WDR27: variants seen among roughly 807,000 people sequenced by gnomAD.
The protein encoded by WDR27 is WD repeat domain 27.
A neutral mutation model predicts 114.4 loss-of-function variants in WDR27; 100 were observed. That is an observed-to-expected ratio of 0.87 (90% CI 0.74 to 1.03). The LOEUF (loss-of-function observed/expected upper bound fraction) is 1.03, where lower values mean the gene tolerates loss of function less well. Ranked by LOEUF, WDR27 falls within the 50% of genes least tolerant of loss-of-function variation. The pLI is 0.00. For missense variants in WDR27, 1,129 were observed against 1,092.9 expected, an observed-to-expected ratio of 1.03 and a Z score of -0.47; for synonymous variants, 449 against 423.1, an observed-to-expected ratio of 1.06 and a Z score of -0.75.
intron 21 of WDR27, among the ~76,000 whole-genome samples, chr6:169,621,506 A>G (rs968553394): frequency 1.3e-5 from 2 of 151,838 alleles, no homozygotes; most frequent in Non-Finnish European, 2.9e-5. Context: ...ATACCCACAC[A>G]TGCATTCACA....
intron 22 of WDR27, among the ~76,000 whole-genome samples, chr6:169,605,001 G>C (rs1032489315): frequency 6.8e-6 from 1 of 147,994 alleles, no homozygotes; most frequent in Admixed American, 6.9e-5. Context: ...ATACTGAATG[G>C]GGGAAAATTG....
chr6:169,630,835 A>G (rs780120355), intron 21 of WDR27, among the ~76,000 whole-genome samples: 10 of 152,222 alleles, frequency 6.6e-5, no homozygotes, highest in Non-Finnish European at 1.3e-4. Context: ...TGGAGGTTGC[A>G]GTGAGCCGAG....
chr6:169,485,425 TATC>T (rs1788754367), intron 25 of WDR27, among the ~76,000 whole-genome samples: 1 of 152,304 alleles, frequency 6.6e-6, no homozygotes, highest in East Asian at 1.9e-4. Context: ...CAGCATCACT[TATC>T]ATGAGAGAAA....
intron 25 of WDR27, among the ~76,000 whole-genome samples, chr6:169,490,698 C>T (rs1789639094): frequency 6.6e-6 from 1 of 152,206 alleles, no homozygotes; most frequent in South Asian, 2.1e-4. Flanking sequence ...AGACAAGCTA[C>T]TGGCTGGGGT....
At chr6:169,434,813 A>G in the WDR27 span, among the ~76,000 whole-genome samples, 1 of 152,218 alleles carries the variant, frequency 6.6e-6, no homozygotes, top group Admixed American at 6.5e-5. Context: ...AAAAAAGAAA[A>G]CACACTTTCT....
chr6:169,654,012 C>A (rs1236779837), intron 13 of WDR27, among the ~76,000 whole-genome samples: 3 of 152,170 alleles, frequency 2.0e-5, no homozygotes, highest in African/African-American at 7.2e-5. Flanking sequence ...GAAAGCAACG[C>A]AAATCTCCTT....
chr6:169,637,449 G>T (rs978413973), intron 18 of WDR27, among the ~76,000 whole-genome samples: 2 of 152,256 alleles, frequency 1.3e-5, no homozygotes, highest in African/African-American at 4.8e-5. Flanking sequence ...GTGCGCATGT[G>T]TATGCATCTA....
At chr6:169,574,628 G>A (rs1171761822) in intron 24 of WDR27, among the ~76,000 whole-genome samples, 2 of 152,134 alleles carry the variant, frequency 1.3e-5, no homozygotes, top group South Asian at 4.2e-4. Context: ...GATCTTTCAC[G>A]AAGTGCGTTC....
intron 25 of WDR27, among the ~76,000 whole-genome samples, chr6:169,493,140 A>G (rs887537128): frequency 1.3e-5 from 2 of 152,100 alleles, no homozygotes; most frequent in African/African-American, 4.8e-5. Context: ...ATAAAATTGG[A>G]TTAATAAATT....
the WDR27 span, among the ~76,000 whole-genome samples, chr6:169,432,394 T>G: frequency 6.6e-6 from 1 of 152,096 alleles, no homozygotes; most frequent in Admixed American, 6.5e-5. Context: ...GCTGATAGGG[T>G]TTGGCTGTGT....
chr6:169,700,770 A>G (rs931283312), intron 1 of WDR27, among the ~76,000 whole-genome samples: 1 of 152,220 alleles, frequency 6.6e-6, no homozygotes, highest in African/African-American at 2.4e-5. Context: ...TTTTTGAATT[A>G]CAAAAGCAAT....
intron 20 of WDR27, among the ~76,000 whole-genome samples, chr6:169,634,085 C>T (rs564148057): frequency 6.6e-6 from 1 of 152,188 alleles, no homozygotes; most frequent in East Asian, 1.9e-4. Flanking sequence ...GAACAGCAAC[C>T]GCTATGATTT....
intron 22 of WDR27, among the ~76,000 whole-genome samples, chr6:169,611,106 T>C (rs1405690516): frequency 6.6e-6 from 1 of 152,020 alleles, no homozygotes; most frequent in Non-Finnish European, 1.5e-5. Flanking sequence ...GTCCTTGCCA[T>C]GAATGGAGCT....
In WDR27 at chr6:169,659,647, C is replaced by CT; in HGVS notation, c.1130-130dup. 1.2e-6 allele frequency: 1 copy of CT among 827,014 alleles called. No homozygotes were observed. The highest frequency in any genetic ancestry group is 2.0e-6 in the Non-Finnish European group (1 of 510,170). 51.2% of individuals were successfully genotyped at this position (827,014 alleles called of 1,614,324 possible). On this transcript the variant is annotated intron_variant, in intron 10 of 25. Transcript: ENST00000448612. The surrounding 1 kb of genome is among the most constrained non-coding windows in gnomAD (Gnocchi z 4.3). ...CACACAGTCCAGGCCCCACCACACA[C>CT]TTTGCAGGCTGTGCACCACATCCTC...
intron 13 of WDR27, among the ~76,000 whole-genome samples, chr6:169,654,827 AAGGAGGCGGCTCGCTCAGG>A (rs1224747250): frequency 1.4e-4 from 21 of 151,776 alleles, no homozygotes; most frequent in Admixed American, 7.2e-4. Flanking sequence ...GGGCGCTCAG[AAGGAGGCGGCTCGCTCAGG>A]AGGAGGAGCC....
chr6:169,673,609 C>T lies in WDR27; in HGVS notation c.190-1213G>A, dbSNP rs574671916. Reference sequence around the variant, plus strand: ...GTCACTTGTCCCATAAAGATATCTACTATAAAGACAATTTTCTGACAATTC... The same window carrying T: ...GTCACTTGTCCCATAAAGATATCTATTATAAAGACAATTTTCTGACAATTC... On this transcript the variant is annotated intron_variant, in intron 2 of 25. Coordinates refer to ENST00000448612, the MANE Select transcript of WDR27 (RefSeq NM_182552.5). Among the ~76,000 whole-genome samples, 11 of 152,022 alleles carry T rather than the reference C, an allele frequency of 7.2e-5. No homozygotes were observed. The South Asian group carries it at 1.7e-3, about 23-fold the overall frequency.
intron 25 of WDR27, among the ~76,000 whole-genome samples, chr6:169,548,586 G>A (rs9396963): frequency 4.6e-5 from 7 of 152,052 alleles, no homozygotes; most frequent in African/African-American, 7.2e-5. Context: ...ATACTGAGAA[G>A]AGCCAACTCA....
intron 1 of WDR27, among the ~76,000 whole-genome samples, chr6:169,693,525 G>C (rs1051883268): frequency 1.3e-5 from 2 of 152,160 alleles, no homozygotes; most frequent in African/African-American, 2.4e-5. Flanking sequence ...TGCTCCACTG[G>C]AAAGATACAA....
chr6:169,664,257 G>A lies in WDR27; in HGVS notation c.813C>T (p.His271=). 1 of 1,613,916 alleles carries A rather than the reference G, an allele frequency of 6.2e-7. No individual in the cohort carries two copies. The highest frequency in any genetic ancestry group is 8.5e-7 in the Non-Finnish European group (1 of 1,179,828). The change falls in exon 8 of 26, where the codon CAC becomes CAT. Residue 271 remains histidine, a synonymous_variant. Coordinates refer to ENST00000448612, the MANE Select transcript of WDR27 (RefSeq NM_182552.5). ...CAACCCGTGCCACACGACGATAATG[G>A]TGTCCATCCATCAAACTGAAGATCC... is the stretch of plus-strand genomic sequence containing the variant. ...QLWIFSLMDG[H]HYRRVARVDL...
Sources: gnomAD v4.1 joint callset for allele counts (sites outside exome capture counted in the v4.1 genomes callset) on GRCh38, gnomAD v4.1.1 for gene constraint, Gnocchi (gnomAD v3.1) non-coding constraint, MANE v1.5 for transcripts, NCBI Gene and HGNC (gene_info 2026-07-23, HGNC 2026-07-21) for gene names.